Variants in FBXL17 observed in about 807,000 individuals in gnomAD.
The protein encoded by FBXL17 is F-box/LRR-repeat protein 17.
Under a neutral mutation model 66.2 loss-of-function variants are expected in FBXL17, and 22 were observed. The observed-to-expected ratio is 0.33, with a 90% CI of 0.24 to 0.47. The LOEUF (loss-of-function observed/expected upper bound fraction) is 0.47. FBXL17 is among the 20% of genes least tolerant of loss of function. The probability of loss-of-function intolerance (pLI) is 1.00; values close to 1 mark genes in which losing one functional copy is unlikely to be tolerated. For synonymous variants in FBXL17, 474 were observed against 400.5 expected (o/e 1.18, Z -2.19); for missense variants, 878 against 948.2 (o/e 0.93, Z 0.97).
At chr5:107,880,003 T>C (rs1314586901) in intron 8 of FBXL17, 1 of 671,362 alleles carries the variant, frequency 1.5e-6, no homozygotes, top group Non-Finnish European at 1.8e-6. Flanking sequence ...CTTAGACTTG[T>C]TATAGGTAAA....
intron 5 of FBXL17, among the ~76,000 whole-genome samples, chr5:108,206,678 C>T (rs1406199071): frequency 6.6e-6 from 1 of 152,056 alleles, no homozygotes; most frequent in Non-Finnish European, 1.5e-5. Context: ...TGAGATTAAT[C>T]CATGTGATAG....
intron 4 of FBXL17, among the ~76,000 whole-genome samples, chr5:108,318,346 C>T (rs185156739): frequency 2.0e-5 from 3 of 151,328 alleles, no homozygotes; most frequent in Non-Finnish European, 4.4e-5. Flanking sequence ...TATTTACTGA[C>T]CTCCTATTAC....
At position 108,381,207 on chromosome 5, in the gene FBXL17, G is replaced by T; in HGVS notation, c.485C>A (p.Ala162Asp). Residue 162 changes from alanine to aspartate, a missense_variant, in exon 1 of 9, where the codon GCC (alanine) becomes GAC (aspartate). This residue lies in a region of FBXL17 where 605 missense variants were observed against 509.5 expected (regional missense o/e 1.19). Coordinates refer to ENST00000542267, the MANE Select transcript of FBXL17 (RefSeq NM_001163315.3). ...CAGGAAGCGCACCGGCCCCAAGCTG[G>T]CCAGGAAGAGACTTCGGCCCTGCTG... The part of the protein sequence containing the change: ...WEQQGRSLFL[A>D]SLGPVRFLGP... 2.8e-6 allele frequency: 4 copies of T among 1,446,666 alleles called. No individual in the cohort carries two copies. Among genetic ancestry groups the T allele is most frequent in the Non-Finnish European group, 3.6e-6 (4 of 1,101,538 alleles). 89.6% of individuals were successfully genotyped at this position (1,446,666 alleles called of 1,614,324 possible).
chr5:108,167,496 C>G (rs772515813), intron 6 of FBXL17, among the ~76,000 whole-genome samples: 8 of 152,022 alleles, frequency 5.3e-5, no homozygotes, highest in Non-Finnish European at 7.4e-5. Flanking sequence ...AATTTTGGAA[C>G]AAAAACAAAA....
chr5:108,218,592 T>C (rs1754711707), intron 5 of FBXL17, among the ~76,000 whole-genome samples: 1 of 152,180 alleles, frequency 6.6e-6, no homozygotes. Flanking sequence ...CAAAACTTGT[T>C]ATCTTTCCCC....
intron 6 of FBXL17, among the ~76,000 whole-genome samples, chr5:108,083,232 C>CAT (rs1260893272): frequency 1.8e-4 from 24 of 133,642 alleles, no homozygotes; most frequent in Non-Finnish European, 3.5e-4. Flanking sequence ...CACACACACA[C>CAT]ACACACACAC....
chr5:108,275,511 T>G (rs2150143251), intron 4 of FBXL17, among the ~76,000 whole-genome samples: 1 of 152,314 alleles, frequency 6.6e-6, no homozygotes, highest in African/African-American at 2.4e-5. Flanking sequence ...CTATTGCCAC[T>G]AAATAGGTCA....
chr5:108,205,365 A>G (rs1754075251), intron 5 of FBXL17, among the ~76,000 whole-genome samples: 1 of 152,192 alleles, frequency 6.6e-6, no homozygotes, highest in Non-Finnish European at 1.5e-5. Flanking sequence ...TAAAAATTTA[A>G]CAAGCATACC....
At chr5:108,021,966 A>C (rs1271948320) in intron 6 of FBXL17, among the ~76,000 whole-genome samples, 1 of 151,896 alleles carries the variant, frequency 6.6e-6, no homozygotes. Flanking sequence ...CTCAGTATCC[A>C]TCTCTGTCTT....
intron 5 of FBXL17, among the ~76,000 whole-genome samples, chr5:108,202,614 T>C (rs914099984): frequency 6.6e-6 from 1 of 152,138 alleles, no homozygotes; most frequent in African/African-American, 2.4e-5. Flanking sequence ...TTTTTTCCTA[T>C]ATAGTAACAG....
At chr5:108,165,825 T>A (rs1752395261) in intron 6 of FBXL17, among the ~76,000 whole-genome samples, 1 of 152,240 alleles carries the variant, frequency 6.6e-6, no homozygotes. Context: ...GCAGTGTTTA[T>A]TAATCTGCTG....
intron 4 of FBXL17, among the ~76,000 whole-genome samples, chr5:108,337,382 T>G (rs1186516130): frequency 6.6e-6 from 1 of 152,206 alleles, no homozygotes; most frequent in Non-Finnish European, 1.5e-5. Flanking sequence ...ATTTTATTTT[T>G]AAGAAGTTCT....
chr5:108,149,188 T>C (rs563196153), intron 6 of FBXL17, among the ~76,000 whole-genome samples: 1 of 152,354 alleles, frequency 6.6e-6, no homozygotes, highest in Admixed American at 6.5e-5. Context: ...AATTCAACAA[T>C]ATAAATTCCT....
At chr5:107,953,260 C>T (rs529613249) in intron 7 of FBXL17, among the ~76,000 whole-genome samples, 2 of 151,936 alleles carry the variant, frequency 1.3e-5, no homozygotes, top group South Asian at 2.1e-4. Flanking sequence ...AAAAATTAGC[C>T]GGGCGTGCTG....
chr5:107,914,316 C>A (rs948133683), intron 7 of FBXL17, among the ~76,000 whole-genome samples: 2 of 152,100 alleles, frequency 1.3e-5, no homozygotes, highest in Non-Finnish European at 2.9e-5. Context: ...TGCAATATCC[C>A]TACCTGGAAA....
chr5:108,221,177 C>T (rs7722938), intron 5 of FBXL17, among the ~76,000 whole-genome samples: 7,520 of 152,082 alleles, frequency 0.049, 625 homozygotes, highest in African/African-American at 0.17. Context: ...ACAAAGTAAA[C>T]GGGAATCCAG....
intron 6 of FBXL17, among the ~76,000 whole-genome samples, chr5:108,083,336 C>T (rs925077129): frequency 1.2e-4 from 18 of 152,018 alleles, no homozygotes; most frequent in Non-Finnish European, 1.8e-4. Flanking sequence ...CCTTCCTTAG[C>T]TCCATGTAAA....
At chr5:107,935,872 G>A (rs1410658227) in intron 7 of FBXL17, among the ~76,000 whole-genome samples, 1 of 152,118 alleles carries the variant, frequency 6.6e-6, no homozygotes, top group Non-Finnish European at 1.5e-5. Flanking sequence ...AAGGGTGGGG[G>A]AAGACAGCAA....
intron 6 of FBXL17, among the ~76,000 whole-genome samples, chr5:108,169,285 G>A (rs1475960135): frequency 6.6e-6 from 1 of 152,172 alleles, no homozygotes; most frequent in Non-Finnish European, 1.5e-5. Context: ...GTAAATTACT[G>A]AAAGCTTCTA....
Sources: gnomAD v4.1 joint callset for allele counts (sites outside exome capture counted in the v4.1 genomes callset) on GRCh38, gnomAD v4.1.1 for gene constraint, gnomAD v4.1.1 regional missense constraint, MANE v1.5 for transcripts, NCBI Gene and HGNC (gene_info 2026-07-23, HGNC 2026-07-21) for gene names.